Variants in STAB2 observed in about 807,000 individuals in gnomAD.
The protein encoded by STAB2 is stabilin 2, also known as stabilin-2.
STAB2 carries 288 observed loss-of-function variants against 338.1 expected under a neutral mutation model. That is an observed-to-expected ratio of 0.85 (90% CI 0.77 to 0.94). The LOEUF (loss-of-function observed/expected upper bound fraction) is 0.94. Among genes scored for constraint, STAB2 ranks in the 40% least tolerant of loss-of-function variants. The pLI, the probability that STAB2 is intolerant of heterozygous loss-of-function variation, is 0.00. For synonymous variants in STAB2, 1,202 were observed against 1,193.3 expected (o/e 1.01, Z -0.15); for missense variants, 3,141 against 3,210.1 (o/e 0.98, Z 0.52).
chr12:103,614,386 A>C (rs1026714679), intron 3 of STAB2, among the ~76,000 whole-genome samples: 4 of 152,214 alleles, frequency 2.6e-5, no homozygotes, highest in African/African-American at 9.7e-5. Flanking sequence ...TCATTGCAAC[A>C]TACCTGGTGG....
At chr12:103,703,743 C>A (rs1879104601) in intron 35 of STAB2, among the ~76,000 whole-genome samples, 1 of 152,186 alleles carries the variant, frequency 6.6e-6, no homozygotes, top group Admixed American at 6.5e-5. Flanking sequence ...ATAATGGAGG[C>A]TTTTCATGCC....
intron 45 of STAB2, 41 bp downstream of exon 45, chr12:103,725,135 C>T (rs1008705772): frequency 6.3e-7 from 1 of 1,588,666 alleles, no homozygotes; most frequent in Admixed American, 1.7e-5. Flanking sequence ...CTCTACTTCC[C>T]TAAAAATGCC....
rs774358763 is a variant in STAB2 at position 103,640,165 on chromosome 12, G to A, written c.949G>A (p.Gly317Arg). The A allele has an allele frequency of 2.5e-6, 4 of 1,613,410 alleles. No individual in the cohort carries two copies. The highest frequency in any genetic ancestry group is 2.5e-6 in the Non-Finnish European group (3 of 1,179,620). ...CKEHYQNFVPGVGCSMTDICK... is the reference protein window; with the variant it reads ...CKEHYQNFVPRVGCSMTDICK... ...GGAGCATTACCAGAATTTCGTACCT[G>A]GAGTGGGGTGCAGTATGACTGATAT... Residue 317 changes from glycine to arginine, a missense_variant, in exon 9 of 69, where the codon GGA becomes AGA. Gly to Arg is a moderately radical substitution (Grantham distance 125, BLOSUM62 -2). Transcript: ENST00000388887.
At position 103,762,037 on chromosome 12, in the gene STAB2, C is replaced by G. The variant is rs536525519; in HGVS notation, c.7360-237C>G. On this transcript the variant is annotated intron_variant, in intron 66 of 68. Coordinates refer to ENST00000388887, the MANE Select transcript of STAB2 (RefSeq NM_017564.10). ...GATATCGGGCAAGTGCTTCACCTCT[C>G]TGTGCCCCAGTTCTCCCACAATAAT... Among the ~76,000 whole-genome samples the G allele has an allele frequency of 3.3e-5, 5 of 152,316 alleles. No individual in the cohort carries two copies. In the East Asian group the frequency reaches 9.7e-4, roughly 29 times the overall value.
intron 44 of STAB2, among the ~76,000 whole-genome samples, chr12:103,724,562 G>C (rs1461045863): frequency 1.3e-5 from 2 of 152,138 alleles, no homozygotes; most frequent in Non-Finnish European, 2.9e-5. Flanking sequence ...CTCTTTGAGG[G>C]CTGGGACAAT....
chr12:103,597,012 T>C (rs1049503053), intron 3 of STAB2, among the ~76,000 whole-genome samples: 10 of 150,732 alleles, frequency 6.6e-5, no homozygotes, highest in Non-Finnish European at 1.0e-4. Context: ...GTTCAAACAT[T>C]TCCTTCAAAC....
At chr12:103,704,534 T>C (rs374889543) in intron 35 of STAB2, 24 bp from the exon 36 acceptor site, 4 of 1,609,388 alleles carry the variant, frequency 2.5e-6, no homozygotes, top group Non-Finnish European at 3.4e-6. Flanking sequence ...TTAATTACAT[T>C]GATTGCTTTT....
chr12:103,654,097 G>A (rs1873996254), intron 12 of STAB2, among the ~76,000 whole-genome samples: 1 of 152,222 alleles, frequency 6.6e-6, no homozygotes, highest in African/African-American at 2.4e-5. Context: ...GTATTTACCT[G>A]TTCATTCATT....
chr12:103,703,047 A>G, intron 34 of STAB2, 101 bp from the exon 35 acceptor site: 1 of 1,307,098 alleles, frequency 7.7e-7, no homozygotes, highest in Non-Finnish European at 1.0e-6. Context: ...GAATATTGTA[A>G]TATCTCCTAG....
intron 34 of STAB2, among the ~76,000 whole-genome samples, 173 bp from the exon 35 acceptor site, chr12:103,702,975 T>C (rs1471505433): frequency 6.6e-6 from 1 of 152,256 alleles, no homozygotes; most frequent in Non-Finnish European, 1.5e-5. Flanking sequence ...AGGACTGTTA[T>C]TCAGACTTCC....
chr12:103,611,691 A>T (rs1347402393), intron 3 of STAB2, among the ~76,000 whole-genome samples: 1 of 152,160 alleles, frequency 6.6e-6, no homozygotes, highest in Non-Finnish European at 1.5e-5. Flanking sequence ...TTTACATTTA[A>T]GGTTAATATT....
chr12:103,671,485 G>A (rs1003636854), intron 22 of STAB2, among the ~76,000 whole-genome samples: 2 of 152,032 alleles, frequency 1.3e-5, no homozygotes, highest in East Asian at 1.9e-4. Flanking sequence ...CTACCTTTCA[G>A]GCAGACCTCT....
chr12:103,695,983 AC>A (rs1593247799), intron 33 of STAB2, 139 bp downstream of exon 33: 1 of 783,078 alleles, frequency 1.3e-6, no homozygotes, highest in African/African-American at 1.7e-5. Context: ...TGGTGCAGAG[AC>A]TCTCTCATAC....
In STAB2 at chr12:103,587,772, G is replaced by A. The variant is rs144660439; in HGVS notation, c.81+215G>A. On this transcript the variant is annotated intron_variant, in intron 1 of 68. Coordinates refer to ENST00000388887, the MANE Select transcript of STAB2 (RefSeq NM_017564.10). ...TCTTCCTGTACTGAAGCGCCCCGCT[G>A]CTGTTGGGACCTCTAATCTTAGTGC... Among the ~76,000 whole-genome samples, 13 of 152,360 alleles carry A rather than the reference G, an allele frequency of 8.5e-5. No homozygotes were observed. The East Asian group carries it at 2.5e-3, about 29-fold the overall frequency.
At chr12:103,604,669 T>G (rs1199635448) in intron 3 of STAB2, among the ~76,000 whole-genome samples, 1 of 152,024 alleles carries the variant, frequency 6.6e-6, no homozygotes, top group Non-Finnish European at 1.5e-5. Context: ...TCATTTATTA[T>G]CCCTTTAATG....
rs372335732 is a variant in STAB2 at position 103,594,344 on chromosome 12, G to A, written c.216-51G>A. On this transcript the variant is annotated intron_variant, in intron 2 of 68. Coordinates refer to ENST00000388887, the MANE Select transcript of STAB2 (RefSeq NM_017564.10). ...AGCTAAGGCAATTCTACCACCTAGAGTAACTGCATTGCTCTTATCGTGGGT... is the reference window on the plus strand; with the variant it reads ...AGCTAAGGCAATTCTACCACCTAGAATAACTGCATTGCTCTTATCGTGGGT... 2.7e-5 allele frequency: 38 copies of A among 1,393,662 alleles called. 1 individual carries two copies. The highest frequency in any genetic ancestry group is 3.7e-5 in the Non-Finnish European group (36 of 982,040). The allele number at this position is 1,393,662 out of a possible 1,614,324, so 86.3% of individuals were successfully genotyped here.
chr12:103,716,513 A>G (rs898060331), intron 43 of STAB2, among the ~76,000 whole-genome samples: 1 of 152,236 alleles, frequency 6.6e-6, no homozygotes. Context: ...CCAAAATTGG[A>G]TGACAAAGTG....
At chr12:103,728,311 T>C (rs1881370956) in intron 47 of STAB2, among the ~76,000 whole-genome samples, 1 of 152,014 alleles carries the variant, frequency 6.6e-6, no homozygotes, top group Non-Finnish European at 1.5e-5. Context: ...TGTTTTACCA[T>C]GTGGGCCAGG....
intron 63 of STAB2, chr12:103,757,781 C>G (rs1884242838): frequency 8.7e-6 from 2 of 230,348 alleles, no homozygotes; most frequent in Non-Finnish European, 1.8e-5. Context: ...CAAGCTAGGC[C>G]TGGGGTCAGA....
Sources: gnomAD v4.1 joint callset for allele counts (sites outside exome capture counted in the v4.1 genomes callset) on GRCh38, gnomAD v4.1.1 for gene constraint, MANE v1.5 for transcripts, NCBI Gene and HGNC (gene_info 2026-07-23, HGNC 2026-07-21) for gene names.